The following PRDM5 variants were observed in gnomAD, a reference collection of about 807,000 sequenced individuals.
PRDM5 encodes PR domain zinc finger protein 5.
PRDM5 carries 56 observed loss-of-function variants against 81.2 expected under a neutral mutation model. That is an observed-to-expected ratio of 0.69 (90% confidence interval 0.56 to 0.86). The LOEUF (loss-of-function observed/expected upper bound fraction) is 0.86, where lower values mean the gene tolerates loss of function less well. Among genes scored for constraint, PRDM5 ranks in the 40% least tolerant of loss-of-function variants. The pLI, the probability that PRDM5 is intolerant of heterozygous loss-of-function variation, is 0.00. For synonymous variants in PRDM5, 267 were observed against 256.4 expected (o/e 1.04, Z -0.39); for missense variants, 697 against 770.1 (o/e 0.91, Z 1.12).
chr4:120,837,135 G>T (rs558414028), intron 3 of PRDM5, among the ~76,000 whole-genome samples: 26 of 152,186 alleles, frequency 1.7e-4, no homozygotes, highest in African/African-American at 6.3e-4. Flanking sequence ...AAAAGGACAG[G>T]ATACTACAAC....
chr4:120,881,511 T>C (rs1355674187), intron 2 of PRDM5, among the ~76,000 whole-genome samples: 3 of 152,178 alleles, frequency 2.0e-5, no homozygotes, highest in Admixed American at 1.3e-4. Context: ...AATTAACCAG[T>C]ATGGGAAACA....
intron 3 of PRDM5, among the ~76,000 whole-genome samples, chr4:120,840,723 G>A (rs181326136): frequency 4.0e-4 from 61 of 152,262 alleles, no homozygotes; most frequent in Non-Finnish European, 6.9e-4. Flanking sequence ...CTCTGCCCAC[G>A]ATAGGCCTGA....
chr4:120,831,198 G>A (rs1307837103), intron 3 of PRDM5, among the ~76,000 whole-genome samples: 5 of 151,846 alleles, frequency 3.3e-5, no homozygotes, highest in African/African-American at 4.8e-5. Flanking sequence ...ATTAGAGGGC[G>A]GACATGTTCT....
chr4:120,859,196 C>T (rs1346927960), intron 2 of PRDM5, among the ~76,000 whole-genome samples: 2 of 150,742 alleles, frequency 1.3e-5, no homozygotes, highest in South Asian at 2.1e-4. Flanking sequence ...TGGGAACATA[C>T]ATACCATGTC....
At position 120,857,315 on chromosome 4, in the gene PRDM5, G is replaced by A. The variant is rs560203712; in HGVS notation, c.178-3775C>T. Among the ~76,000 whole-genome samples, 55 of 152,240 alleles carry A rather than the reference G, an allele frequency of 3.6e-4. No homozygotes were observed. The South Asian group carries it at 9.8e-3, about 27-fold the overall frequency. On this transcript the variant is annotated intron_variant, in intron 2 of 15. Transcript: ENST00000264808. Reference sequence around the variant, plus strand: ...AGAAGTTGCTGTGAACCGAGATCACGCCACTGCACTCCAGCCTGGGAAACA... The same window carrying A: ...AGAAGTTGCTGTGAACCGAGATCACACCACTGCACTCCAGCCTGGGAAACA...
chr4:120,836,030 G>T (rs1256383948), intron 3 of PRDM5, among the ~76,000 whole-genome samples: 1 of 152,086 alleles, frequency 6.6e-6, no homozygotes, highest in Non-Finnish European at 1.5e-5. Context: ...GCAGAAACCA[G>T]GTTAGTGTGG....
intron 2 of PRDM5, among the ~76,000 whole-genome samples, chr4:120,899,289 G>A (rs902869688): frequency 1.3e-5 from 2 of 152,164 alleles, no homozygotes; most frequent in Non-Finnish European, 2.9e-5. Context: ...TACACAGGCT[G>A]GAGACCTGTC....
Position 120,693,220 on chromosome 4 carries a change from A to C in PRDM5, c.*1891T>G, listed in dbSNP as rs895043830. 1 of 152,004 alleles carries C rather than the reference A, an allele frequency of 6.6e-6. No homozygotes were observed. Among genetic ancestry groups the C allele is most frequent in the Non-Finnish European group, 1.5e-5 (1 of 68,008 alleles). 9.4% of individuals were successfully genotyped at this position (152,004 alleles called of 1,614,324 possible). Reference sequence around the variant, plus strand: ...GAGATTACACAAAATTGGAATTTGGACTCCTTTCAAGTTTTACATTCATCA... The same window carrying C: ...GAGATTACACAAAATTGGAATTTGGCCTCCTTTCAAGTTTTACATTCATCA... On this transcript the variant is annotated 3_prime_UTR_variant, in exon 16 of 16. Transcript: ENST00000264808.
chr4:120,739,113 G>A (rs1033251164), intron 14 of PRDM5, among the ~76,000 whole-genome samples: 1 of 152,168 alleles, frequency 6.6e-6, no homozygotes, highest in Non-Finnish European at 1.5e-5. Context: ...ATGCCTATCT[G>A]GCCTCTCCAC....
At chr4:120,746,680 A>G (rs1743117346) in intron 14 of PRDM5, among the ~76,000 whole-genome samples, 1 of 148,266 alleles carries the variant, frequency 6.7e-6, no homozygotes, top group Non-Finnish European at 1.5e-5. Flanking sequence ...AACACATGAA[A>G]AAATGCTCAT....
intron 7 of PRDM5, 143 bp from the exon 8 acceptor site, chr4:120,811,592 T>G: frequency 1.9e-6 from 1 of 517,130 alleles, no homozygotes; most frequent in Non-Finnish European, 3.4e-6. Flanking sequence ...TCATTAAACT[T>G]AAAGAGTAAG....
chr4:120,774,779 A>C (rs1747816712), intron 13 of PRDM5, among the ~76,000 whole-genome samples: 1 of 151,998 alleles, frequency 6.6e-6, no homozygotes, highest in Non-Finnish European at 1.5e-5. Flanking sequence ...AAACAGAAAA[A>C]TCTGGTTAGA....
intron 10 of PRDM5, among the ~76,000 whole-genome samples, chr4:120,792,494 A>G (rs752432828): frequency 3.3e-5 from 5 of 152,234 alleles, no homozygotes; most frequent in Non-Finnish European, 5.9e-5. Flanking sequence ...TATCCATTGT[A>G]GAAAACAGTA....
Position 120,838,318 on chromosome 4 carries a change from T to C in PRDM5, c.300+15100A>G, listed in dbSNP as rs561449965. The C allele has an allele frequency of 1.6e-4, 25 of 152,318 alleles. No individual in the cohort carries two copies. The South Asian group carries it at 5.0e-3, about 30-fold the overall frequency. The allele number at this position is 152,318 out of a possible 1,614,324, so 9.4% of individuals were successfully genotyped here. A position where few individuals can be genotyped will look rare whatever the true frequency, so the allele number is the denominator to read the frequency against. ...ATTACTTATTTATCTTGACACATAATTGTACATATTCATGGGGTACCTAGT... is the reference window on the plus strand; with the variant it reads ...ATTACTTATTTATCTTGACACATAACTGTACATATTCATGGGGTACCTAGT... On this transcript the variant is annotated intron_variant, in intron 3 of 15. Coordinates refer to ENST00000264808, the MANE Select transcript of PRDM5 (RefSeq NM_018699.4).
chr4:120,892,907 A>G (rs1252398241), intron 2 of PRDM5, among the ~76,000 whole-genome samples: 1 of 151,980 alleles, frequency 6.6e-6, no homozygotes, highest in Non-Finnish European at 1.5e-5. Flanking sequence ...TTGCAGCTGC[A>G]CCAAGTTCAG....
chr4:120,832,074 A>G (rs1849074), intron 3 of PRDM5, among the ~76,000 whole-genome samples: 27,257 of 152,080 alleles, frequency 0.18, 2,884 homozygotes, highest in East Asian at 0.47. Flanking sequence ...TGGAAGCTCC[A>G]TGGGGAAGGG....
At chr4:120,722,438 T>C (rs1324695675) in intron 14 of PRDM5, among the ~76,000 whole-genome samples, 1 of 151,924 alleles carries the variant, frequency 6.6e-6, no homozygotes, top group African/African-American at 2.4e-5. Flanking sequence ...GGTGTTGCCT[T>C]CTGCTTGGTT....
intron 10 of PRDM5, among the ~76,000 whole-genome samples, chr4:120,788,696 T>C (rs1262813701): frequency 1.3e-5 from 2 of 152,204 alleles, no homozygotes; most frequent in Non-Finnish European, 2.9e-5. Context: ...GACAGCATAA[T>C]GCCTTTTAAC....
chr4:120,730,942 G>C (rs1199175579), intron 14 of PRDM5, among the ~76,000 whole-genome samples: 2 of 152,078 alleles, frequency 1.3e-5, no homozygotes, highest in Non-Finnish European at 2.9e-5. Flanking sequence ...GAGAGACGAA[G>C]TTGTTCTCTG....
Sources: gnomAD v4.1 joint callset for allele counts (sites outside exome capture counted in the v4.1 genomes callset) on GRCh38, gnomAD v4.1.1 for gene constraint, MANE v1.5 for transcripts, NCBI Gene and HGNC (gene_info 2026-07-23, HGNC 2026-07-21) for gene names.